Variants in WARS2 observed in about 807,000 individuals in gnomAD.
WARS2 encodes the protein tryptophanyl tRNA synthetase 2, mitochondrial, also known as tryptophan--tRNA ligase, mitochondrial.
A neutral mutation model predicts 36.5 loss-of-function variants in WARS2; 28 were observed. That is an observed-to-expected ratio of 0.77 (90% CI 0.57 to 1.05). The LOEUF (loss-of-function observed/expected upper bound fraction) is 1.05. Among genes scored for constraint, WARS2 ranks in the 50% least tolerant of loss-of-function variants. The probability of loss-of-function intolerance (pLI) is 0.00; values close to 1 mark genes in which losing one functional copy is unlikely to be tolerated. For synonymous variants in WARS2, 174 were observed against 178.4 expected, an observed-to-expected ratio of 0.98 and a Z score of 0.20; for missense variants, 435 against 456.8, an observed-to-expected ratio of 0.95 and a Z score of 0.44.
chr1:119,057,651 A>T (rs1456818888), intron 2 of WARS2, among the ~76,000 whole-genome samples: 1 of 151,814 alleles, frequency 6.6e-6, no homozygotes, highest in African/African-American at 2.4e-5. Flanking sequence ...TTAGCCAGGC[A>T]TGGTTGCAGG....
chr1:119,092,777 C>A (rs1254450666), intron 1 of WARS2, among the ~76,000 whole-genome samples: 1 of 152,134 alleles, frequency 6.6e-6, no homozygotes, highest in Non-Finnish European at 1.5e-5. Context: ...CAAATTGATA[C>A]ATAAAAAGTG....
At position 119,034,096 on chromosome 1, in the gene WARS2, G is replaced by C; in HGVS notation, c.633C>G (p.Leu211=). The change falls in exon 5 of 6, where the codon CTC becomes CTG. Residue 211 remains leucine (L), a splice_region_variant and synonymous_variant. Transcript: ENST00000235521. The part of the protein sequence containing the change: ...GEFFPVPESI[L]TSMKKVKSLR... ...AACAATTATAAGTTTCTTACTTACT[G>C]AGAATGGACTCGGGCACTGGAAAGA... 2 of 1,611,662 alleles carry C rather than the reference G, an allele frequency of 1.2e-6. No homozygotes were observed. The highest frequency in any genetic ancestry group is 1.7e-6 in the Non-Finnish European group (2 of 1,177,936).
chr1:119,140,213 G>T (rs1183442347), intron 1 of WARS2: 3 of 217,992 alleles, frequency 1.4e-5, no homozygotes, highest in African/African-American at 6.8e-5. Flanking sequence ...ACCACAAGAA[G>T]AGCAGTCTCT....
intron 3 of WARS2, 40 bp from the exon 4 acceptor site, chr1:119,042,389 A>G (rs770708427): frequency 1.3e-6 from 2 of 1,594,412 alleles, no homozygotes; most frequent in Non-Finnish European, 1.7e-6. Flanking sequence ...GAAATCTGAA[A>G]TCTGACTTGA....
intron 1 of WARS2, among the ~76,000 whole-genome samples, chr1:119,111,533 C>T (rs1418813569): frequency 1.3e-5 from 2 of 152,128 alleles, no homozygotes; most frequent in East Asian, 3.9e-4. Flanking sequence ...AAAAAGAGTG[C>T]TCTGGCATAT....
intron 1 of WARS2, among the ~76,000 whole-genome samples, chr1:119,121,507 A>T (rs896452618): frequency 6.6e-6 from 1 of 152,032 alleles, no homozygotes; most frequent in Non-Finnish European, 1.5e-5. Context: ...CCATCAAAAT[A>T]CCACCAACAC....
Position 119,034,126 on chromosome 1 carries a change from C to T in WARS2, c.603G>A (p.Gly201=), listed in dbSNP as rs1647678739. ...TGGACTCGGGCACTGGAAAGAACTC[C>T]CCATACTTCTTGTTGAAACCTTGTG... is the stretch of plus-strand genomic sequence containing the variant. ...DLAQGFNKKY[G]EFFPVPESIL... is the part of the protein sequence containing the mutation. Residue 201 remains glycine, a synonymous_variant, in exon 5 of 6, where the codon GGG becomes GGA. Coordinates refer to ENST00000235521, the MANE Select transcript of WARS2 (RefSeq NM_015836.4). The T allele has an allele frequency of 6.2e-7, 1 of 1,613,792 alleles. No individual in the cohort carries two copies. Among genetic ancestry groups the T allele is most frequent in the South Asian group, 1.1e-5 (1 of 91,082 alleles).
chr1:119,049,569 A>T (rs1005418034), intron 2 of WARS2, among the ~76,000 whole-genome samples: 3 of 152,134 alleles, frequency 2.0e-5, no homozygotes, highest in African/African-American at 7.2e-5. Context: ...CCAGCTACCT[A>T]TTCAGCCTCT....
At chr1:119,074,321 C>T (rs67840462) in intron 2 of WARS2, among the ~76,000 whole-genome samples, 8,975 of 152,148 alleles carry the variant, frequency 0.059, 296 homozygotes, top group South Asian at 0.11. Context: ...TAAGGACCTA[C>T]GGGGTAAGAT....
At chr1:119,083,729 A>G (rs587750265) in intron 1 of WARS2, among the ~76,000 whole-genome samples, 1 of 152,326 alleles carries the variant, frequency 6.6e-6, no homozygotes, top group South Asian at 2.1e-4. Context: ...AGTAAAGAAT[A>G]AGGAGGCAAG....
At chr1:119,046,285 G>GTTTTTTTTTTTTTTTTTTTT (rs71070781) in intron 2 of WARS2, among the ~76,000 whole-genome samples, 1 of 101,496 alleles carries the variant, frequency 9.9e-6, no homozygotes, top group Non-Finnish European at 1.9e-5. Context: ...CTCCTTTTCT[G>GTTTTTTTTTTTTTTTTTTTT]TTTTTTTTTT....
intron 2 of WARS2, among the ~76,000 whole-genome samples, chr1:119,075,245 A>G (rs935375277): frequency 6.6e-6 from 1 of 152,216 alleles, no homozygotes; most frequent in Non-Finnish European, 1.5e-5. Flanking sequence ...TTAAAAAACA[A>G]TACAGTATAA....
At chr1:119,059,382 T>C (rs1405284463) in intron 2 of WARS2, among the ~76,000 whole-genome samples, 1 of 152,178 alleles carries the variant, frequency 6.6e-6, no homozygotes, top group Non-Finnish European at 1.5e-5. Context: ...TCCTTGCCCA[T>C]TCCTATGTCC....
intron 1 of WARS2, among the ~76,000 whole-genome samples, chr1:119,125,139 G>A (rs1328643510): frequency 6.6e-6 from 1 of 152,148 alleles, no homozygotes; most frequent in Non-Finnish European, 1.5e-5. Context: ...CAGCCATACT[G>A]GCCTCTATGC....
At chr1:119,083,222 C>A (rs1281709014) in intron 1 of WARS2, among the ~76,000 whole-genome samples, 1 of 152,036 alleles carries the variant, frequency 6.6e-6, no homozygotes, top group African/African-American at 2.4e-5. Flanking sequence ...GAGCGCTACT[C>A]CATCTCCAAA....
intron 1 of WARS2, among the ~76,000 whole-genome samples, chr1:119,120,916 T>C (rs1655287442): frequency 6.6e-6 from 1 of 152,128 alleles, no homozygotes; most frequent in Admixed American, 6.5e-5. Context: ...AAGCCATCTA[T>C]GACAAACCCA....
At position 119,032,872 on chromosome 1, in the gene WARS2, GCAAGGCACAAAAGCC is replaced by G; in HGVS notation, c.*24_*38del. On this transcript the variant is annotated 3_prime_UTR_variant, in exon 6 of 6. Coordinates refer to ENST00000235521, the MANE Select transcript of WARS2 (RefSeq NM_015836.4). ...CTGCCGTTATCAGAATGCATGGAGT[GCAAGGCACAAAAGCC>G]TTGCTGTGATTCGTTGAAACTTCCT... is the stretch of plus-strand genomic sequence containing the variant. 1.3e-6 allele frequency: 2 copies of G among 1,565,736 alleles called. No individual in the cohort carries two copies. The highest frequency in any genetic ancestry group is 2.4e-5 in the South Asian group (2 of 84,770).
At chr1:119,102,323 G>C (rs1653934668) in intron 1 of WARS2, among the ~76,000 whole-genome samples, 3 of 152,174 alleles carry the variant, frequency 2.0e-5, no homozygotes. Context: ...AAGCTCCCAA[G>C]AGCTTCTCTC....
intron 2 of WARS2, among the ~76,000 whole-genome samples, chr1:119,052,239 T>C (rs954589660): frequency 1.3e-5 from 2 of 152,234 alleles, no homozygotes; most frequent in Non-Finnish European, 2.9e-5. Flanking sequence ...ATCAAATCTC[T>C]GTGTCCCTTA....
Sources: allele counts gnomAD v4.1 joint callset (sites outside exome capture counted in the v4.1 genomes callset), GRCh38; gene constraint gnomAD v4.1.1; transcripts MANE v1.5; gene names NCBI Gene and HGNC (gene_info 2026-07-23, HGNC 2026-07-21).